The following LRMDA variants were observed in gnomAD, a reference collection of about 807,000 sequenced individuals.
LRMDA encodes the protein leucine rich melanocyte differentiation associated.
In LRMDA, 18 loss-of-function variants were observed where a neutral mutation model predicts 29.8. The ratio of observed to expected loss-of-function variants is 0.60; its 90% confidence interval spans 0.42 to 0.90. LRMDA has a LOEUF of 0.90. Among genes scored for constraint, LRMDA ranks in the 40% least tolerant of loss-of-function variants. LRMDA has a pLI of 0.00. For synonymous variants in LRMDA, 125 were observed against 109.4 expected, an observed-to-expected ratio of 1.14 and a Z score of -0.89; for missense variants, 273 against 273.9, an observed-to-expected ratio of 1.00 and a Z score of 0.02.
intron 2 of LRMDA, among the ~76,000 whole-genome samples, chr10:75,821,240 A>G (rs981588631): frequency 6.6e-6 from 1 of 152,216 alleles, no homozygotes; most frequent in African/African-American, 2.4e-5. Flanking sequence ...AATATCCCAG[A>G]AGAACACAGA....
At chr10:75,786,745 T>C (rs1843478446) in intron 2 of LRMDA, among the ~76,000 whole-genome samples, 1 of 152,190 alleles carries the variant, frequency 6.6e-6, no homozygotes, top group Non-Finnish European at 1.5e-5. Context: ...ATGATGGTTC[T>C]CTAGATATTT....
chr10:75,792,804 G>T (rs1843591602), intron 2 of LRMDA, among the ~76,000 whole-genome samples: 1 of 152,214 alleles, frequency 6.6e-6, no homozygotes. Context: ...CTTGTAGGTT[G>T]TTATGAGGAC....
intron 5 of LRMDA, among the ~76,000 whole-genome samples, chr10:76,109,603 A>G (rs1343038577): frequency 6.6e-6 from 1 of 152,170 alleles, no homozygotes; most frequent in Non-Finnish European, 1.5e-5. Flanking sequence ...CAAATTTTCA[A>G]AAGACCTGTC....
At chr10:76,433,323 A>G (rs1220601344) in intron 6 of LRMDA, among the ~76,000 whole-genome samples, 2 of 152,128 alleles carry the variant, frequency 1.3e-5, no homozygotes, top group African/African-American at 4.8e-5. Context: ...GGCAGACACC[A>G]CACCCCCCAA....
At chr10:76,189,601 A>C (rs1046892229) in intron 5 of LRMDA, among the ~76,000 whole-genome samples, 2 of 152,216 alleles carry the variant, frequency 1.3e-5, no homozygotes, top group Admixed American at 6.5e-5. Flanking sequence ...TGACACTGAG[A>C]ACTACATTGA....
At chr10:76,330,947 G>A (rs759364806) in intron 6 of LRMDA, among the ~76,000 whole-genome samples, 4 of 152,154 alleles carry the variant, frequency 2.6e-5, no homozygotes, top group Non-Finnish European at 5.9e-5. Context: ...GGAATCTTTT[G>A]CCTACTGCCT....
At chr10:75,930,564 G>A (rs1263112334) in intron 2 of LRMDA, among the ~76,000 whole-genome samples, 1 of 152,154 alleles carries the variant, frequency 6.6e-6, no homozygotes, top group African/African-American at 2.4e-5. Flanking sequence ...TGGTTTCAGT[G>A]ATTGTGACTG....
intron 2 of LRMDA, among the ~76,000 whole-genome samples, chr10:75,665,876 A>T (rs1382634468): frequency 6.6e-6 from 1 of 152,212 alleles, no homozygotes; most frequent in African/African-American, 2.4e-5. Context: ...GCCCTGTATT[A>T]TGCAATTGTT....
At chr10:75,541,553 A>G (rs1021054985) in intron 2 of LRMDA, among the ~76,000 whole-genome samples, 33 of 152,226 alleles carry the variant, frequency 2.2e-4, no homozygotes, top group Middle Eastern at 3.4e-3. Flanking sequence ...CACAGTAGGG[A>G]GCCCTGAGAA....
chr10:76,457,710 G>A (rs1251863461), intron 6 of LRMDA, among the ~76,000 whole-genome samples: 1 of 152,080 alleles, frequency 6.6e-6, no homozygotes, highest in Non-Finnish European at 1.5e-5. Flanking sequence ...TCTTAAATAA[G>A]TTTCCTTAAA....
intron 6 of LRMDA, among the ~76,000 whole-genome samples, chr10:76,400,520 C>T (rs543236912): frequency 1.3e-5 from 2 of 152,336 alleles, no homozygotes; most frequent in East Asian, 1.9e-4. Context: ...CTCAGAAATA[C>T]TCAGTGTCTT....
chr10:75,672,519 T>A (rs868809571), intron 2 of LRMDA, among the ~76,000 whole-genome samples: 1 of 28,054 alleles, frequency 3.6e-5, no homozygotes, highest in Non-Finnish European at 7.2e-5. Flanking sequence ...ATTTTTCTTT[T>A]CTTTTCCTCC....
chr10:76,105,775 CT>C (rs1456323481), intron 5 of LRMDA, among the ~76,000 whole-genome samples: 1 of 152,162 alleles, frequency 6.6e-6, no homozygotes, highest in Non-Finnish European at 1.5e-5. Flanking sequence ...TTGAGATAGT[CT>C]TGCTCTGTTG....
At chr10:75,514,397 G>A (rs1335803662) in intron 2 of LRMDA, among the ~76,000 whole-genome samples, 1 of 151,638 alleles carries the variant, frequency 6.6e-6, no homozygotes, top group Non-Finnish European at 1.5e-5. Flanking sequence ...GTCTGGGGAA[G>A]ATCACAGTCC....
At chr10:76,147,852 G>A (rs1850359051) in intron 5 of LRMDA, among the ~76,000 whole-genome samples, 1 of 152,142 alleles carries the variant, frequency 6.6e-6, no homozygotes, top group South Asian at 2.1e-4. Flanking sequence ...GTGACGTACA[G>A]ATGCACTTTT....
intron 2 of LRMDA, among the ~76,000 whole-genome samples, chr10:75,691,691 T>G (rs1325191853): frequency 6.6e-6 from 1 of 152,014 alleles, no homozygotes; most frequent in Non-Finnish European, 1.5e-5. Context: ...TTAAAAGGAG[T>G]CAGCTTCCTC....
chr10:76,235,626 G>A (rs1394040864), intron 5 of LRMDA, among the ~76,000 whole-genome samples: 1 of 152,140 alleles, frequency 6.6e-6, no homozygotes, highest in Non-Finnish European at 1.5e-5. Flanking sequence ...CCTCTCTTGT[G>A]ATATAGATAA....
chr10:76,490,643 A>C (rs555398545), intron 6 of LRMDA, among the ~76,000 whole-genome samples: 66 of 151,936 alleles, frequency 4.3e-4, no homozygotes, highest in African/African-American at 1.5e-3. Flanking sequence ...ATCTTTTTCC[A>C]TCCCTTAATT....
intron 5 of LRMDA, among the ~76,000 whole-genome samples, chr10:76,075,676 C>T (rs1848945252): frequency 6.6e-6 from 1 of 152,182 alleles, no homozygotes; most frequent in Admixed American, 6.5e-5. Context: ...CTAGTTTGTC[C>T]TCCAGGGCTC....
Sources: gnomAD v4.1 joint callset for allele counts (sites outside exome capture counted in the v4.1 genomes callset) on GRCh38, gnomAD v4.1.1 for gene constraint, MANE v1.5 for transcripts, NCBI Gene and HGNC (gene_info 2026-07-23, HGNC 2026-07-21) for gene names.